Variants in KIAA1328 observed in about 807,000 individuals in gnomAD.
KIAA1328 encodes the protein protein hinderin.
In KIAA1328, 52 loss-of-function variants were observed where a neutral mutation model predicts 68.1. The observed-to-expected ratio is 0.76, with a 90% CI of 0.61 to 0.96. The LOEUF (loss-of-function observed/expected upper bound fraction) is 0.96. Among genes scored for constraint, KIAA1328 ranks in the 40% least tolerant of loss-of-function variants. KIAA1328 has a pLI of 0.00. For missense variants in KIAA1328, 641 were observed against 677.6 expected, an observed-to-expected ratio of 0.95 and a Z score of 0.60; for synonymous variants, 232 against 239.4, an observed-to-expected ratio of 0.97 and a Z score of 0.28.
At chr18:37,077,666 CA>C (rs1568375065) in intron 7 of KIAA1328, among the ~76,000 whole-genome samples, 2 of 144,350 alleles carry the variant, frequency 1.4e-5, no homozygotes, top group Admixed American at 6.9e-5. Context: ...GCAAAAATCA[CA>C]AGCATTCTTA....
intron 7 of KIAA1328, among the ~76,000 whole-genome samples, chr18:37,113,320 C>A (rs1046899924): frequency 3.3e-5 from 5 of 152,118 alleles, no homozygotes; most frequent in African/African-American, 1.2e-4. Flanking sequence ...TGGGCAGAAA[C>A]TCTACAAGCC....
chr18:37,003,818 T>A (rs1022543871), intron 6 of KIAA1328, among the ~76,000 whole-genome samples: 1 of 152,154 alleles, frequency 6.6e-6, no homozygotes, highest in Non-Finnish European at 1.5e-5. Context: ...TTGCCAATTA[T>A]CCCAGCACCA....
At chr18:36,869,495 T>C (rs1048918721) in intron 4 of KIAA1328, among the ~76,000 whole-genome samples, 1 of 152,174 alleles carries the variant, frequency 6.6e-6, no homozygotes, top group Non-Finnish European at 1.5e-5. Context: ...TCCTGTGACC[T>C]TGCTAGATCT....
chr18:37,171,065 TA>T (rs2059490395), intron 8 of KIAA1328, among the ~76,000 whole-genome samples: 1 of 152,228 alleles, frequency 6.6e-6, no homozygotes, highest in African/African-American at 2.4e-5. Flanking sequence ...CATAGCTATA[TA>T]AAGTTACTAT....
chr18:37,101,186 A>AGAGAAGAAGGCTTCAGACGATCAAACTAC (rs2057602877), intron 7 of KIAA1328, among the ~76,000 whole-genome samples: 1 of 152,236 alleles, frequency 6.6e-6, no homozygotes, highest in Non-Finnish European at 1.5e-5. Context: ...TGATGAGTTG[A>AGAGAAGAAGGCTTCAGACGATCAAACTAC]GAGAAGAAGG....
chr18:37,106,577 C>G (rs1437250192), intron 7 of KIAA1328, among the ~76,000 whole-genome samples: 1 of 152,052 alleles, frequency 6.6e-6, no homozygotes, highest in East Asian at 1.9e-4. Context: ...CCCCACCACG[C>G]CTGGCTCCTT....
chr18:37,163,656 G>A (rs2059328382), intron 8 of KIAA1328, among the ~76,000 whole-genome samples: 1 of 152,074 alleles, frequency 6.6e-6, no homozygotes, highest in Non-Finnish European at 1.5e-5. Context: ...AAAATGATGT[G>A]AGTACTCTTC....
At chr18:36,840,092 G>A (rs1276051125) in intron 3 of KIAA1328, among the ~76,000 whole-genome samples, 1 of 152,118 alleles carries the variant, frequency 6.6e-6, no homozygotes. Context: ...ACTCCCAGCT[G>A]TATCTTTTCA....
chr18:37,068,440 T>A (rs753596460), intron 7 of KIAA1328, among the ~76,000 whole-genome samples: 3 of 152,266 alleles, frequency 2.0e-5, no homozygotes, highest in Non-Finnish European at 4.4e-5. Flanking sequence ...ATTGCTGTTT[T>A]ATTATTATAT....
intron 7 of KIAA1328, among the ~76,000 whole-genome samples, chr18:37,078,879 G>T (rs1374560144): frequency 1.3e-5 from 2 of 151,070 alleles, no homozygotes; most frequent in Admixed American, 1.3e-4. Flanking sequence ...TACACTGTTG[G>T]TGGGACTGTA....
intron 9 of KIAA1328, among the ~76,000 whole-genome samples, chr18:37,219,150 A>G (rs1457092460): frequency 6.6e-6 from 1 of 152,236 alleles, no homozygotes; most frequent in African/African-American, 2.4e-5. Context: ...AGATGGCTGC[A>G]GAACCGCAAA....
At chr18:37,006,407 G>A (rs763434209) in intron 6 of KIAA1328, among the ~76,000 whole-genome samples, 16 of 151,948 alleles carry the variant, frequency 1.1e-4, no homozygotes, top group African/African-American at 3.4e-4. Context: ...TCTAAAATGC[G>A]TCAGATTATT....
intron 6 of KIAA1328, among the ~76,000 whole-genome samples, chr18:37,025,801 G>A (rs941109612): frequency 7.2e-5 from 11 of 151,812 alleles, no homozygotes; most frequent in Non-Finnish European, 1.0e-4. Flanking sequence ...CCCTAACATC[G>A]CAATTAAAAG....
At chr18:37,093,442 G>T (rs1315236216) in intron 7 of KIAA1328, among the ~76,000 whole-genome samples, 2 of 152,078 alleles carry the variant, frequency 1.3e-5, no homozygotes, top group African/African-American at 2.4e-5. Context: ...TCAACAAAGA[G>T]ATCAGTATCA....
chr18:36,867,306 T>C (rs1280488002), intron 4 of KIAA1328, among the ~76,000 whole-genome samples: 1 of 152,208 alleles, frequency 6.6e-6, no homozygotes, highest in Non-Finnish European at 1.5e-5. Context: ...ACCATCTTGC[T>C]CCTGCTTTCA....
intron 4 of KIAA1328, among the ~76,000 whole-genome samples, chr18:36,884,711 A>C (rs780276992): frequency 6.6e-6 from 1 of 152,162 alleles, no homozygotes; most frequent in Non-Finnish European, 1.5e-5. Context: ...GCATTCTATG[A>C]GCTTTGGAGA....
intron 9 of KIAA1328, among the ~76,000 whole-genome samples, chr18:37,186,573 A>C (rs1385057444): frequency 6.6e-6 from 1 of 151,288 alleles, no homozygotes; most frequent in Non-Finnish European, 1.5e-5. Flanking sequence ...TCAAAAAAAA[A>C]AAAAAAAAAA....
chr18:37,066,763 T>G (rs1271984892), intron 6 of KIAA1328, 127 bp from the exon 7 acceptor site: 1 of 887,520 alleles, frequency 1.1e-6, no homozygotes, highest in Non-Finnish European at 1.7e-6. Flanking sequence ...AATGCTATAA[T>G]TTAATATTTA....
At chr18:37,172,472 G>A (rs1012876191) in intron 8 of KIAA1328, among the ~76,000 whole-genome samples, 3 of 152,128 alleles carry the variant, frequency 2.0e-5, no homozygotes, top group Non-Finnish European at 2.9e-5. Flanking sequence ...CATGGCACTC[G>A]AATGAATATT....
Sources: allele counts gnomAD v4.1 joint callset (sites outside exome capture counted in the v4.1 genomes callset), GRCh38; gene constraint gnomAD v4.1.1; transcripts MANE v1.5; gene names NCBI Gene and HGNC (gene_info 2026-07-23, HGNC 2026-07-21).